The following KCNIP4 variants were observed in gnomAD, a reference collection of about 807,000 sequenced individuals.
The protein encoded by KCNIP4 is potassium voltage-gated channel interacting protein 4, also known as Kv channel-interacting protein 4.
In KCNIP4, 12 loss-of-function variants were observed where a neutral mutation model predicts 34.0. The observed-to-expected ratio is 0.35, with a 90% CI of 0.23 to 0.57. The LOEUF (loss-of-function observed/expected upper bound fraction) is 0.57, where lower values mean the gene tolerates loss of function less well. Among genes scored for constraint, KCNIP4 ranks in the 20% least tolerant of loss-of-function variants. KCNIP4 has a pLI of 0.83. For synonymous variants in KCNIP4, 124 were observed against 102.2 expected (o/e 1.21, Z -1.29); for missense variants, 238 against 311.7 (o/e 0.76, Z 1.78).
intron 1 of KCNIP4, among the ~76,000 whole-genome samples, chr4:21,837,635 T>C (rs7699892): frequency 0.098 from 14,901 of 151,624 alleles, 2,472 homozygotes; most frequent in African/African-American, 0.34. Context: ...TTTTAGGGTT[T>C]CCATAGGCTG....
intron 1 of KCNIP4, among the ~76,000 whole-genome samples, chr4:20,981,069 T>C (rs1736020913): frequency 6.6e-6 from 1 of 152,208 alleles, no homozygotes; most frequent in Non-Finnish European, 1.5e-5. Flanking sequence ...TGTCATAGTC[T>C]AAATAAACAG....
chr4:21,052,209 G>A (rs2108950168), intron 1 of KCNIP4, among the ~76,000 whole-genome samples: 1 of 152,210 alleles, frequency 6.6e-6, no homozygotes, highest in South Asian at 2.1e-4. Context: ...GTTTGGAATT[G>A]AGGTCCATGC....
intron 1 of KCNIP4, among the ~76,000 whole-genome samples, chr4:21,675,772 T>C (rs908671389): frequency 5.3e-5 from 8 of 152,310 alleles, no homozygotes; most frequent in South Asian, 2.1e-4. Flanking sequence ...AGGATGTCCA[T>C]TGAGGCCATC....
intron 1 of KCNIP4, among the ~76,000 whole-genome samples, chr4:21,640,620 GA>G (rs1746548190): frequency 1.3e-5 from 2 of 152,082 alleles, no homozygotes; most frequent in Admixed American, 1.3e-4. Context: ...CAACCAAACT[GA>G]TACAGCCCTT....
At chr4:21,928,123 T>TACACAC (rs201691328) in intron 1 of KCNIP4, among the ~76,000 whole-genome samples, 4 of 123,048 alleles carry the variant, frequency 3.3e-5, no homozygotes, top group African/African-American at 1.2e-4. Flanking sequence ...TATATATATA[T>TACACAC]ATATACACAC....
chr4:20,770,545 AT>A (rs1178854501), intron 3 of KCNIP4, among the ~76,000 whole-genome samples: 7 of 152,234 alleles, frequency 4.6e-5, no homozygotes, highest in Admixed American at 4.6e-4. Context: ...AAAGAATAAA[AT>A]AAAATACAGC....
intron 1 of KCNIP4, among the ~76,000 whole-genome samples, chr4:21,233,161 G>A (rs1758922532): frequency 6.6e-6 from 1 of 152,076 alleles, no homozygotes; most frequent in Non-Finnish European, 1.5e-5. Flanking sequence ...AGAGAAATAA[G>A]CAAAGATCAA....
chr4:21,482,358 T>C (rs1731503366), intron 1 of KCNIP4, among the ~76,000 whole-genome samples: 1 of 152,334 alleles, frequency 6.6e-6, no homozygotes, highest in African/African-American at 2.4e-5. Flanking sequence ...GTCATTATGA[T>C]ATTAGCAGGT....
chr4:20,791,788 A>C (rs1045363914), intron 3 of KCNIP4, among the ~76,000 whole-genome samples: 1 of 152,198 alleles, frequency 6.6e-6, no homozygotes, highest in African/African-American at 2.4e-5. Context: ...AATGGGATTA[A>C]CATCTAAATC....
intron 1 of KCNIP4, among the ~76,000 whole-genome samples, chr4:21,658,178 T>C (rs1748128477): frequency 6.6e-6 from 1 of 152,130 alleles, no homozygotes; most frequent in African/African-American, 2.4e-5. Flanking sequence ...TACAGATAAA[T>C]ATTGAAAGCA....
At chr4:21,044,937 C>T (rs969719923) in intron 1 of KCNIP4, among the ~76,000 whole-genome samples, 1 of 152,186 alleles carries the variant, frequency 6.6e-6, no homozygotes, top group Non-Finnish European at 1.5e-5. Context: ...ATTATTATCA[C>T]AATGCATGCT....
rs187855809 is a variant in KCNIP4, at chr4:21,304,341, C to T, written c.62-421632G>A. Reference sequence around the variant, plus strand: ...GTCGCGGCGCAGATCACCCGAGGACCCAGGAGGTCACCAGGAACGTCCCGA... The same window carrying T: ...GTCGCGGCGCAGATCACCCGAGGACTCAGGAGGTCACCAGGAACGTCCCGA... On this transcript the variant is annotated intron_variant, in intron 1 of 8. Transcript: ENST00000382152. Among the ~76,000 whole-genome samples the T allele has an allele frequency of 8.5e-5, 13 of 152,250 alleles. No individual in the cohort carries two copies. The East Asian group carries it at 2.1e-3, about 25-fold the overall frequency.
intron 1 of KCNIP4, among the ~76,000 whole-genome samples, chr4:20,934,347 T>G (rs1480829422): frequency 6.6e-6 from 1 of 152,208 alleles, no homozygotes; most frequent in Non-Finnish European, 1.5e-5. Context: ...TCTCTTAAAG[T>G]TTAATAAGAC....
intron 1 of KCNIP4, among the ~76,000 whole-genome samples, chr4:21,798,815 A>T (rs1578005015): frequency 6.6e-6 from 1 of 152,124 alleles, no homozygotes; most frequent in East Asian, 1.9e-4. Context: ...GTAAAGATAG[A>T]AAAAGCTACC....
At chr4:21,743,035 C>G (rs141754727) in intron 1 of KCNIP4, among the ~76,000 whole-genome samples, 1 of 151,914 alleles carries the variant, frequency 6.6e-6, no homozygotes, top group Non-Finnish European at 1.5e-5. Context: ...TCGGATTTAC[C>G]GTGGATCTGT....
chr4:21,238,918 T>C (rs1577942379), intron 1 of KCNIP4, among the ~76,000 whole-genome samples: 1 of 151,994 alleles, frequency 6.6e-6, no homozygotes, highest in Non-Finnish European at 1.5e-5. Flanking sequence ...CATTGCTGAG[T>C]CAATCCTAAG....
At chr4:21,622,035 A>G (rs1745029260) in intron 1 of KCNIP4, among the ~76,000 whole-genome samples, 1 of 152,200 alleles carries the variant, frequency 6.6e-6, no homozygotes, top group African/African-American at 2.4e-5. Flanking sequence ...TTGCCTTTCA[A>G]CTGTGAGTGC....
chr4:21,025,984 G>C (rs1353530094), intron 1 of KCNIP4, among the ~76,000 whole-genome samples: 1 of 152,140 alleles, frequency 6.6e-6, no homozygotes, highest in Non-Finnish European at 1.5e-5. Flanking sequence ...TGACATCATG[G>C]AACACCGATT....
At chr4:21,470,470 G>A (rs749818944) in intron 1 of KCNIP4, among the ~76,000 whole-genome samples, 2 of 152,158 alleles carry the variant, frequency 1.3e-5, no homozygotes, top group East Asian at 1.9e-4. Flanking sequence ...CTACAGATGA[G>A]AAAATTGAAC....
Sources: allele counts gnomAD v4.1 joint callset (sites outside exome capture counted in the v4.1 genomes callset), GRCh38; gene constraint gnomAD v4.1.1; transcripts MANE v1.5; gene names NCBI Gene and HGNC (gene_info 2026-07-23, HGNC 2026-07-21).